RGS7: variants seen among roughly 807,000 people sequenced by gnomAD.
The protein encoded by RGS7 is regulator of G-protein signaling 7.
In RGS7, 27 loss-of-function variants were observed where a neutral mutation model predicts 81.1. That is an observed-to-expected ratio of 0.33 (90% CI 0.25 to 0.46). The LOEUF (loss-of-function observed/expected upper bound fraction) is 0.46. Ranked by LOEUF, RGS7 falls within the 20% of genes least tolerant of loss-of-function variation. RGS7 has a pLI of 1.00. For missense variants in RGS7, 396 were observed against 607.4 expected, an observed-to-expected ratio of 0.65 and a Z score of 3.66; for synonymous variants, 208 against 207.7, an observed-to-expected ratio of 1.00 and a Z score of -0.01.
chr1:241,200,368 A>G lies in RGS7; in HGVS notation c.79-101606T>C, dbSNP rs190310129. On this transcript the variant is annotated intron_variant, in intron 2 of 18. Transcript: ENST00000440928. ...ATTTATATCTTAAAGGTACTGCTCAATGAATTTTCACAAACTAAACACGTC... is the reference window on the plus strand; with the variant it reads ...ATTTATATCTTAAAGGTACTGCTCAGTGAATTTTCACAAACTAAACACGTC... Among the ~76,000 whole-genome samples the G allele has an allele frequency of 1.1e-4, 17 of 152,284 alleles. No homozygotes were observed. In the East Asian group the frequency reaches 2.7e-3, roughly 24 times the overall value.
chr1:241,263,514 G>A (rs2077443108), intron 2 of RGS7, among the ~76,000 whole-genome samples: 1 of 152,154 alleles, frequency 6.6e-6, no homozygotes. Flanking sequence ...TTGGCAACAG[G>A]TGGACCTGTG....
At chr1:240,972,333 T>C (rs1436488722) in intron 4 of RGS7, among the ~76,000 whole-genome samples, 5 of 151,126 alleles carry the variant, frequency 3.3e-5, no homozygotes, top group Non-Finnish European at 5.9e-5. Context: ...TAAGAAAATG[T>C]GGCACATATA....
At chr1:240,967,580 G>GA (rs1558536027) in intron 4 of RGS7, among the ~76,000 whole-genome samples, 6 of 148,572 alleles carry the variant, frequency 4.0e-5, no homozygotes, top group African/African-American at 1.0e-4. Context: ...GGGGGGGGGG[G>GA]GAAAAGGCTG....
At position 241,234,173 on chromosome 1, in the gene RGS7, T is replaced by C. The variant is rs1008403509; in HGVS notation, c.78+121526A>G. Among the ~76,000 whole-genome samples the C allele has an allele frequency of 2.6e-5, 4 of 152,224 alleles. No homozygotes were observed. The South Asian group carries it at 8.3e-4, about 32-fold the overall frequency. ...GTGTGCATGGACACTGTCATTTCTA[T>C]ACCAAATTTTAAACTATACTAAATT... On this transcript the variant is annotated intron_variant, in intron 2 of 18. Coordinates refer to ENST00000440928, the MANE Select transcript of RGS7 (RefSeq NM_001364886.1).
chr1:241,105,710 G>C (rs1049401823), intron 2 of RGS7, among the ~76,000 whole-genome samples: 1 of 152,126 alleles, frequency 6.6e-6, no homozygotes, highest in Non-Finnish European at 1.5e-5. Flanking sequence ...TAAGCCAATC[G>C]CTTTACAGAG....
chr1:241,339,613 C>G (rs962396382), intron 2 of RGS7, among the ~76,000 whole-genome samples: 3 of 152,126 alleles, frequency 2.0e-5, no homozygotes, highest in Non-Finnish European at 4.4e-5. Context: ...GGTATGGTGA[C>G]CCTGTAATCA....
chr1:240,856,808 G>T (rs940781958), intron 9 of RGS7, among the ~76,000 whole-genome samples: 7 of 152,028 alleles, frequency 4.6e-5, no homozygotes, highest in Non-Finnish European at 8.8e-5. Context: ...ATCATAAGGA[G>T]AAAAATATTT....
chr1:240,834,837 T>C (rs1434647616), intron 9 of RGS7, among the ~76,000 whole-genome samples: 2 of 151,852 alleles, frequency 1.3e-5, no homozygotes, highest in South Asian at 2.1e-4. Context: ...CTAAACATAA[T>C]TGGAAGCCAC....
intron 6 of RGS7, among the ~76,000 whole-genome samples, chr1:240,921,643 T>G (rs1408699350): frequency 1.3e-5 from 2 of 151,948 alleles, no homozygotes; most frequent in Non-Finnish European, 2.9e-5. Context: ...AAATATGAAT[T>G]TCAAAACACA....
chr1:240,893,184 G>A (rs1303309040), intron 6 of RGS7, among the ~76,000 whole-genome samples: 1 of 152,136 alleles, frequency 6.6e-6, no homozygotes, highest in East Asian at 1.9e-4. Context: ...AATCGAAGAA[G>A]GCTTTCCTAA....
chr1:240,997,696 T>C (rs1448714639), intron 3 of RGS7, among the ~76,000 whole-genome samples: 1 of 152,092 alleles, frequency 6.6e-6, no homozygotes, highest in African/African-American at 2.4e-5. Flanking sequence ...AGGGGGCACA[T>C]GCCTGTAATC....
chr1:241,205,783 T>C (rs1287247639), intron 2 of RGS7, among the ~76,000 whole-genome samples: 6 of 152,060 alleles, frequency 3.9e-5, no homozygotes, highest in Non-Finnish European at 7.4e-5. Context: ...CTTGATTTTT[T>C]CCTAATCTTA....
intron 6 of RGS7, 88 bp downstream of exon 6, chr1:240,930,629 T>C: frequency 8.0e-7 from 1 of 1,251,098 alleles, no homozygotes; most frequent in Non-Finnish European, 1.2e-6. Context: ...GGTTTCCTTT[T>C]CTTAATGAAA....
rs143746893 is a variant in RGS7, at chr1:241,005,312, C to G, written c.176-22183G>C. On this transcript the variant is annotated intron_variant, in intron 3 of 18. Transcript: ENST00000440928. ...CAGATTATATGCACAGAATTTTAGT[C>G]CAAAACTTGCAAAGTTCTGACAAAT... 1.1e-3 allele frequency among the ~76,000 whole-genome samples: 160 copies of G among 152,222 alleles called. 1 individual carries two copies. Among genetic ancestry groups the G allele is most frequent in the African/African-American group, 3.8e-3 (158 of 41,544 alleles).
chr1:240,813,252 G>T (rs574099387), intron 13 of RGS7, among the ~76,000 whole-genome samples: 124 of 152,338 alleles, frequency 8.1e-4, no homozygotes, highest in African/African-American at 2.9e-3. Context: ...TTGGGCTTAA[G>T]TATGTATGGC....
intron 6 of RGS7, among the ~76,000 whole-genome samples, chr1:240,892,660 G>C (rs1397380261): frequency 1.3e-5 from 2 of 152,022 alleles, no homozygotes; most frequent in Non-Finnish European, 2.9e-5. Context: ...CTGAGTTTTG[G>C]TCAACAAAAG....
chr1:241,333,671 T>G (rs2082089134), intron 2 of RGS7, among the ~76,000 whole-genome samples: 1 of 152,198 alleles, frequency 6.6e-6, no homozygotes, highest in South Asian at 2.1e-4. Context: ...ATGGTTTGAC[T>G]GAAATCTCAA....
intron 3 of RGS7, among the ~76,000 whole-genome samples, chr1:241,085,485 C>T (rs1198618071): frequency 1.3e-5 from 2 of 152,096 alleles, no homozygotes; most frequent in African/African-American, 4.8e-5. Context: ...ACTGCAGTGG[C>T]GTGATCTTGG....
chr1:241,089,988 C>A (rs2063769036), intron 3 of RGS7, among the ~76,000 whole-genome samples: 1 of 105,852 alleles, frequency 9.4e-6, no homozygotes, highest in African/African-American at 4.6e-5. Context: ...AGTGAGACTC[C>A]ATCTCAAAAA....
Sources: allele counts gnomAD v4.1 joint callset (sites outside exome capture counted in the v4.1 genomes callset), GRCh38; gene constraint gnomAD v4.1.1; transcripts MANE v1.5; gene names NCBI Gene and HGNC (gene_info 2026-07-23, HGNC 2026-07-21).